The following SHANK2 variants were observed in gnomAD, a reference collection of about 807,000 sequenced individuals.
SHANK2 encodes the protein SH3 and multiple ankyrin repeat domains 2.
In SHANK2, 43 loss-of-function variants were observed where a neutral mutation model predicts 133.7. The ratio of observed to expected loss-of-function variants is 0.32; its 90% CI spans 0.25 to 0.41. The LOEUF (loss-of-function observed/expected upper bound fraction) is 0.41, where lower values mean the gene tolerates loss of function less well. Ranked by LOEUF, SHANK2 falls within the 10% of genes least tolerant of loss-of-function variation. The pLI, the probability that SHANK2 is intolerant of heterozygous loss-of-function variation, is 1.00. For synonymous variants in SHANK2, 1,017 were observed against 952.8 expected, an observed-to-expected ratio of 1.07 and a Z score of -1.24; for missense variants, 1,994 against 2,235.8, an observed-to-expected ratio of 0.89 and a Z score of 2.18.
In SHANK2 at chr11:70,715,973, G is replaced by A. The variant is rs1254424300; in HGVS notation, c.1778-17210C>T. On this transcript the variant is annotated intron_variant, in intron 14 of 25. Transcript: ENST00000601538. ...AGAGCCTGCCTCTGGCTGTGGACAG[G>A]GCGTCTGGAGGGGCCTCACTCTGTG... is the stretch of plus-strand genomic sequence containing the variant. Among the ~76,000 whole-genome samples, 11 of 152,312 alleles carry A rather than the reference G, an allele frequency of 7.2e-5. No homozygotes were observed. In the East Asian group the frequency reaches 2.1e-3, roughly 29 times the overall value.
chr11:71,240,289 A>G (rs1954872516), intron 1 of SHANK2, among the ~76,000 whole-genome samples: 1 of 152,148 alleles, frequency 6.6e-6, no homozygotes, highest in African/African-American at 2.4e-5. Context: ...AGCAGTGCAG[A>G]ACCCTGATTA....
intron 14 of SHANK2, among the ~76,000 whole-genome samples, chr11:70,723,679 A>G (rs1218814980): frequency 5.3e-5 from 8 of 152,168 alleles, no homozygotes; most frequent in African/African-American, 1.9e-4. Flanking sequence ...GCAACAGGTG[A>G]CTAATCAAGT....
In SHANK2 at chr11:70,572,058, G is replaced by A. The variant is rs553254258; in HGVS notation, c.2062-69127C>T. Reference sequence around the variant, plus strand: ...TCTCCCTCTGCCACTTGAGCACAGCGTGAGAAGGCGGCCATCTCCACACCA... The same window carrying A: ...TCTCCCTCTGCCACTTGAGCACAGCATGAGAAGGCGGCCATCTCCACACCA... On this transcript the variant is annotated intron_variant, in intron 17 of 25. Transcript: ENST00000601538. Among the ~76,000 whole-genome samples the A allele has an allele frequency of 7.9e-5, 12 of 152,326 alleles. No individual in the cohort carries two copies. The South Asian group carries it at 1.5e-3, about 18-fold the overall frequency.
At position 71,094,542 on chromosome 11, in the gene SHANK2, G is replaced by C. The variant is rs1951573495; in HGVS notation, c.739C>G (p.Leu247Val). ...KAARARNQVA[L>V]KTLLELGASP... is the part of the protein sequence containing the mutation. ...TAAGATGGGCCCGAGTTTACCTTCAGGGCAACTTGGTTCCTCGCTCGGGCA... is the reference window on the plus strand; with the variant it reads ...TAAGATGGGCCCGAGTTTACCTTCACGGCAACTTGGTTCCTCGCTCGGGCA... The change falls in exon 7 of 26, where the codon CTG becomes GTG. Residue 247 changes from leucine to valine, a missense_variant. Transcript: ENST00000601538. The C allele has an allele frequency of 6.4e-7, 1 of 1,550,500 alleles. No individual in the cohort carries two copies. The highest frequency in any genetic ancestry group is 8.7e-7 in the Non-Finnish European group (1 of 1,146,130).
At chr11:70,692,659 G>A (rs1192104878) in intron 15 of SHANK2, among the ~76,000 whole-genome samples, 1 of 152,224 alleles carries the variant, frequency 6.6e-6, no homozygotes, top group Non-Finnish European at 1.5e-5. Flanking sequence ...AGAAGGCAAA[G>A]ATGGGAGACC....
chr11:70,527,053 G>A (rs782264805), intron 17 of SHANK2, among the ~76,000 whole-genome samples: 2 of 152,120 alleles, frequency 1.3e-5, no homozygotes, highest in African/African-American at 2.4e-5. Flanking sequence ...TCCTCACACC[G>A]TCCCCTTCCC....
At chr11:70,496,238 A>G (rs1430684978) in intron 21 of SHANK2, among the ~76,000 whole-genome samples, 1 of 152,184 alleles carries the variant, frequency 6.6e-6, no homozygotes, top group African/African-American at 2.4e-5. Flanking sequence ...TGGGATTACA[A>G]TTTAAATGAG....
chr11:71,156,377 C>T (rs1952907107), intron 2 of SHANK2, among the ~76,000 whole-genome samples: 1 of 152,258 alleles, frequency 6.6e-6, no homozygotes, highest in Non-Finnish European at 1.5e-5. Context: ...GCTGGCATCT[C>T]TGGATGAACT....
intron 14 of SHANK2, among the ~76,000 whole-genome samples, chr11:70,787,651 C>T (rs2135157368): frequency 1.3e-5 from 2 of 151,968 alleles, no homozygotes; most frequent in Admixed American, 1.3e-4. Flanking sequence ...CCGCCACCAA[C>T]ACCACCACCA....
chr11:70,949,382 C>T (rs1473575004), intron 10 of SHANK2, among the ~76,000 whole-genome samples: 1 of 152,226 alleles, frequency 6.6e-6, no homozygotes, highest in African/African-American at 2.4e-5. Flanking sequence ...TCTTAGCAAA[C>T]TCTCCCAGGA....
At chr11:70,710,781 C>T (rs1945765896) in intron 14 of SHANK2, among the ~76,000 whole-genome samples, 1 of 152,174 alleles carries the variant, frequency 6.6e-6, no homozygotes. Flanking sequence ...ACCCCTCCAC[C>T]GGAGCCCTGT....
chr11:70,950,574 C>T (rs978780293), intron 10 of SHANK2, among the ~76,000 whole-genome samples: 3 of 152,090 alleles, frequency 2.0e-5, no homozygotes, highest in Non-Finnish European at 2.9e-5. Flanking sequence ...AAGGTCCCAC[C>T]TCTTCGTGCT....
At chr11:71,219,597 AAAAAAC>A (rs1340771066) in intron 2 of SHANK2, among the ~76,000 whole-genome samples, 4 of 152,148 alleles carry the variant, frequency 2.6e-5, no homozygotes, top group African/African-American at 9.7e-5. Context: ...ACAAAAACAA[AAAAAAC>A]AAACAGGCCA....
intron 2 of SHANK2, among the ~76,000 whole-genome samples, chr11:71,161,382 A>G (rs35804414): frequency 6.6e-6 from 1 of 152,208 alleles, no homozygotes; most frequent in Admixed American, 6.5e-5. Context: ...TTTACACTCT[A>G]TAGAGAATCC....
At chr11:70,738,611 A>G (rs1555034097) in intron 14 of SHANK2, among the ~76,000 whole-genome samples, 1 of 152,096 alleles carries the variant, frequency 6.6e-6, no homozygotes, top group Non-Finnish European at 1.5e-5. Context: ...TCAGCTACCC[A>G]AGGGACCAAT....
At position 70,776,140 on chromosome 11, in the gene SHANK2, G is replaced by A. The variant is rs559855288; in HGVS notation, c.1777+22303C>T. Among the ~76,000 whole-genome samples, 9 of 152,348 alleles carry A rather than the reference G, an allele frequency of 5.9e-5. No homozygotes were observed. The South Asian group carries it at 1.9e-3, about 32-fold the overall frequency. On this transcript the variant is annotated intron_variant, in intron 14 of 25. Coordinates refer to ENST00000601538, the MANE Select transcript of SHANK2 (RefSeq NM_012309.5). ...TTCCCATCTGACAGATGGCACATCA[G>A]TGTTTCCACTGCATGTACTGGGAGC...
chr11:71,220,315 G>A (rs1465127325), intron 2 of SHANK2, among the ~76,000 whole-genome samples: 1 of 152,194 alleles, frequency 6.6e-6, no homozygotes, highest in Admixed American at 6.5e-5. Flanking sequence ...GAACCTTTGA[G>A]CCTTGCTGGT....
At chr11:70,786,615 T>A (rs1947659523) in intron 14 of SHANK2, among the ~76,000 whole-genome samples, 2 of 152,162 alleles carry the variant, frequency 1.3e-5, no homozygotes, top group Non-Finnish European at 2.9e-5. Flanking sequence ...AAATAATTTT[T>A]CTCAAGGGCA....
chr11:71,157,937 G>A lies in SHANK2; in HGVS notation c.-12-10599C>T, dbSNP rs111661586. On this transcript the variant is annotated intron_variant, in intron 2 of 25. Coordinates refer to ENST00000601538, the MANE Select transcript of SHANK2 (RefSeq NM_012309.5). ...CACTGCCCCTGTGTGCAGCTCTTAA[G>A]TGTGGGTCCAACAAGGCCCTGTGTC... Among the ~76,000 whole-genome samples, 259 of 152,286 alleles carry A rather than the reference G, an allele frequency of 1.7e-3. 1 individual carries two copies. The highest frequency in any genetic ancestry group is 5.7e-3 in the African/African-American group (237 of 41,562).
Sources: allele counts gnomAD v4.1 joint callset (sites outside exome capture counted in the v4.1 genomes callset), GRCh38; gene constraint gnomAD v4.1.1; transcripts MANE v1.5; gene names NCBI Gene and HGNC (gene_info 2026-07-23, HGNC 2026-07-21).